Variants in LRRC4C observed in about 807,000 individuals in gnomAD.
The protein encoded by LRRC4C is leucine-rich repeat-containing protein 4C.
Under a neutral mutation model 33.6 loss-of-function variants are expected in LRRC4C, and 5 were observed. That is an observed-to-expected ratio of 0.15 (90% confidence interval 0.08 to 0.31). LRRC4C has a LOEUF of 0.31. LRRC4C is among the 10% of genes least tolerant of loss of function. The probability of loss-of-function intolerance (pLI) is 1.00; values close to 1 mark genes in which losing one functional copy is unlikely to be tolerated. For synonymous variants in LRRC4C, 329 were observed against 302.0 expected (o/e 1.09, Z -0.93); for missense variants, 560 against 796.7 (o/e 0.70, Z 3.58).
In LRRC4C at chr11:40,447,802, G is replaced by T. The variant is rs973590142; in HGVS notation, c.-269-128081C>A. On this transcript the variant is annotated intron_variant, in intron 3 of 6. Coordinates refer to ENST00000528697, the MANE Select transcript of LRRC4C (RefSeq NM_001258419.2). ...CCAAAGATCCACACCAGCAGCAGAT[G>T]CATTCTGTTTTGTTGGTGTTTTGTT... Among the ~76,000 whole-genome samples, 8 of 152,064 alleles carry T rather than the reference G, an allele frequency of 5.3e-5. No homozygotes were observed. In the South Asian group the frequency reaches 1.7e-3, roughly 32 times the overall value.
At chr11:41,336,869 C>T (rs966849566) in intron 1 of LRRC4C, among the ~76,000 whole-genome samples, 20 of 152,068 alleles carry the variant, frequency 1.3e-4, no homozygotes, top group Admixed American at 3.9e-4. Context: ...TGGACACCAT[C>T]TCATTTAATC....
At chr11:40,452,584 G>A (rs1951938285) in intron 3 of LRRC4C, among the ~76,000 whole-genome samples, 2 of 152,166 alleles carry the variant, frequency 1.3e-5, no homozygotes, top group African/African-American at 4.8e-5. Flanking sequence ...CTGTTGGTGG[G>A]ACTGTAAACT....
chr11:41,236,000 G>A (rs1948005367), intron 1 of LRRC4C, among the ~76,000 whole-genome samples: 1 of 152,022 alleles, frequency 6.6e-6, no homozygotes, highest in Non-Finnish European at 1.5e-5. Context: ...CTTCCCTAGA[G>A]GTAGAAGTGG....
intron 3 of LRRC4C, among the ~76,000 whole-genome samples, chr11:40,428,567 T>C (rs1297813322): frequency 6.6e-6 from 1 of 152,214 alleles, no homozygotes; most frequent in Non-Finnish European, 1.5e-5. Context: ...ATAAAATGCA[T>C]TTATATCTCT....
At chr11:41,293,796 C>T (rs1275679856) in intron 1 of LRRC4C, among the ~76,000 whole-genome samples, 2 of 152,006 alleles carry the variant, frequency 1.3e-5, no homozygotes, top group African/African-American at 4.8e-5. Flanking sequence ...CAGGTTTCAC[C>T]ACGTATGCCA....
chr11:41,348,596 G>T (rs1951873576), intron 1 of LRRC4C, among the ~76,000 whole-genome samples: 1 of 151,086 alleles, frequency 6.6e-6, no homozygotes, highest in Non-Finnish European at 1.5e-5. Flanking sequence ...TCTCCCAGCA[G>T]AAGACCAGAC....
chr11:40,968,574 A>G (rs1592216614), intron 1 of LRRC4C, among the ~76,000 whole-genome samples: 1 of 152,216 alleles, frequency 6.6e-6, no homozygotes, highest in South Asian at 2.1e-4. Context: ...GGCCAATAAA[A>G]CTGGTGGCTT....
At chr11:40,605,582 A>G (rs1960494872) in intron 3 of LRRC4C, among the ~76,000 whole-genome samples, 1 of 152,168 alleles carries the variant, frequency 6.6e-6, no homozygotes, top group Non-Finnish European at 1.5e-5. Flanking sequence ...CTCAGAGGAA[A>G]GTTCCAGCTC....
intron 2 of LRRC4C, among the ~76,000 whole-genome samples, chr11:40,673,360 C>T (rs1348603758): frequency 1.3e-5 from 2 of 152,102 alleles, no homozygotes; most frequent in African/African-American, 4.8e-5. Flanking sequence ...AAACATAGCA[C>T]TGATAAGAAT....
intron 3 of LRRC4C, among the ~76,000 whole-genome samples, chr11:40,452,859 T>G (rs538286055): frequency 0.011 from 1,630 of 152,162 alleles, 19 homozygotes; most frequent in African/African-American, 0.036. Flanking sequence ...CCATAAAAAA[T>G]GATGAGTTCA....
Position 40,812,765 on chromosome 11 carries a change from T to G in LRRC4C, c.-407+120870A>C, listed in dbSNP as rs531569329. On this transcript the variant is annotated intron_variant, in intron 2 of 6. Coordinates refer to ENST00000528697, the MANE Select transcript of LRRC4C (RefSeq NM_001258419.2). ...TCTGTGGATAATGGAAAATTGTAAT[T>G]TTTAACATTAGAATAATCAAAGAGT... 7.2e-5 allele frequency among the ~76,000 whole-genome samples: 11 copies of G among 152,246 alleles called. No individual in the cohort carries two copies. In the South Asian group the frequency reaches 1.7e-3, roughly 23 times the overall value.
At chr11:40,950,079 T>C (rs977024262) in intron 1 of LRRC4C, among the ~76,000 whole-genome samples, 13 of 151,936 alleles carry the variant, frequency 8.6e-5, no homozygotes, top group South Asian at 2.1e-4. Flanking sequence ...TTTCCAGTAA[T>C]AGAGGTAGAG....
At chr11:40,841,829 A>T (rs1232684712) in intron 2 of LRRC4C, among the ~76,000 whole-genome samples, 2 of 152,226 alleles carry the variant, frequency 1.3e-5, no homozygotes, top group African/African-American at 4.8e-5. Context: ...GCACATTCAT[A>T]GGAAACACTG....
chr11:41,242,543 C>G (rs77704410), intron 1 of LRRC4C, among the ~76,000 whole-genome samples: 2,562 of 152,108 alleles, frequency 0.017, 70 homozygotes, highest in African/African-American at 0.059. Flanking sequence ...ATTTACTCAT[C>G]ATGTATAGAG....
chr11:40,948,181 C>T (rs1250760708), intron 1 of LRRC4C, among the ~76,000 whole-genome samples: 1 of 152,092 alleles, frequency 6.6e-6, no homozygotes, highest in East Asian at 1.9e-4. Flanking sequence ...TACTCTCCCT[C>T]AATATACTCC....
At chr11:41,094,442 T>C (rs1940670890) in intron 1 of LRRC4C, among the ~76,000 whole-genome samples, 1 of 151,576 alleles carries the variant, frequency 6.6e-6, no homozygotes, top group African/African-American at 2.4e-5. Context: ...GAGAATGGCA[T>C]GAACCCAGGA....
intron 3 of LRRC4C, among the ~76,000 whole-genome samples, chr11:40,518,878 A>G (rs143159568): frequency 0.065 from 9,833 of 152,254 alleles, 834 homozygotes; most frequent in African/African-American, 0.2. Flanking sequence ...GATAAAGAAA[A>G]TGTGGCACAT....
At chr11:40,459,134 C>A (rs114287593) in intron 3 of LRRC4C, among the ~76,000 whole-genome samples, 1 of 152,070 alleles carries the variant, frequency 6.6e-6, no homozygotes, top group East Asian at 1.9e-4. Context: ...TTTCTAATGA[C>A]CTTCCCTCTT....
At chr11:41,149,301 C>G (rs866010659) in intron 1 of LRRC4C, among the ~76,000 whole-genome samples, 1 of 151,730 alleles carries the variant, frequency 6.6e-6, no homozygotes, top group Admixed American at 6.6e-5. Flanking sequence ...GTCAGGAGAT[C>G]GAGACCATCC....
Sources: allele counts gnomAD v4.1 joint callset (sites outside exome capture counted in the v4.1 genomes callset), GRCh38; gene constraint gnomAD v4.1.1; transcripts MANE v1.5; gene names NCBI Gene and HGNC (gene_info 2026-07-23, HGNC 2026-07-21).